FAM13C: variants seen among roughly 807,000 people sequenced by gnomAD.
FAM13C encodes protein FAM13C.
In FAM13C, 37 loss-of-function variants were observed where a neutral mutation model predicts 73.2. That is an observed-to-expected ratio of 0.51 (90% CI 0.39 to 0.67). The LOEUF (loss-of-function observed/expected upper bound fraction) is 0.67. FAM13C is among the 30% of genes least tolerant of loss of function. The pLI is 0.00. For missense variants in FAM13C, 589 were observed against 715.6 expected (o/e 0.82, Z 2.02); for synonymous variants, 246 against 260.9 (o/e 0.94, Z 0.55).
intron 1 of FAM13C, among the ~76,000 whole-genome samples, chr10:59,360,342 A>T (rs1856239799): frequency 6.6e-6 from 1 of 152,196 alleles, no homozygotes; most frequent in Non-Finnish European, 1.5e-5. Flanking sequence ...GGCATCGAAG[A>T]AAATAAGTGG....
chr10:59,334,394 T>A (rs892970774), intron 3 of FAM13C, among the ~76,000 whole-genome samples: 6 of 152,136 alleles, frequency 3.9e-5, no homozygotes, highest in Admixed American at 2.6e-4. Flanking sequence ...TTCAAATATG[T>A]CAAAACTTAC....
chr10:59,328,196 C>G (rs1851441300), intron 3 of FAM13C, among the ~76,000 whole-genome samples: 1 of 152,126 alleles, frequency 6.6e-6, no homozygotes, highest in African/African-American at 2.4e-5. Flanking sequence ...GTCCATGAAG[C>G]AAACATAATT....
chr10:59,270,990 T>C (rs1432334550), intron 6 of FAM13C, among the ~76,000 whole-genome samples: 2 of 152,098 alleles, frequency 1.3e-5, no homozygotes, highest in African/African-American at 4.8e-5. Context: ...CCATCTGCTA[T>C]GGAAGTAAGG....
intron 4 of FAM13C, among the ~76,000 whole-genome samples, chr10:59,314,352 G>A (rs1220171525): frequency 2.0e-5 from 3 of 152,120 alleles, no homozygotes; most frequent in Non-Finnish European, 2.9e-5. Context: ...TAATCCTTGC[G>A]ACAGTAGCTC....
At chr10:59,341,669 AC>A (rs1853540797) in intron 3 of FAM13C, among the ~76,000 whole-genome samples, 3 of 152,202 alleles carry the variant, frequency 2.0e-5, no homozygotes, top group Admixed American at 2.0e-4. Context: ...AGCCTCGGCA[AC>A]AAGAGCAAAA....
intron 3 of FAM13C, among the ~76,000 whole-genome samples, chr10:59,335,699 C>T (rs73299251): frequency 0.011 from 1,615 of 152,272 alleles, 38 homozygotes; most frequent in African/African-American, 0.036. Flanking sequence ...CTTTCTATGG[C>T]CTACATTGTG....
intron 10 of FAM13C, among the ~76,000 whole-genome samples, chr10:59,261,816 C>A (rs143651509): frequency 6.6e-6 from 1 of 152,056 alleles, no homozygotes; most frequent in Non-Finnish European, 1.5e-5. Context: ...CAGGTAAATA[C>A]TAATCAGTCT....
At position 59,253,005 on chromosome 10, in the gene FAM13C, A is replaced by C. The variant is rs1841548845; in HGVS notation, c.1333-7T>G. 1 of 1,612,824 alleles carries C rather than the reference A, an allele frequency of 6.2e-7. No individual in the cohort carries two copies. The highest frequency in any genetic ancestry group is 1.3e-5 in the African/African-American group (1 of 74,884). On this transcript the variant is annotated splice_region_variant and splice_polypyrimidine_tract_variant and intron_variant, in intron 11 of 13. Transcript: ENST00000618804. ...CAGAGTCCTCTTCCTCCTGCTTATC[A>C]CAGGCAGAGTTAAAGAAAGAAAGTC...
intron 5 of FAM13C, among the ~76,000 whole-genome samples, chr10:59,297,977 C>T (rs958718004): frequency 2.9e-4 from 44 of 152,138 alleles, no homozygotes; most frequent in Admixed American, 2.7e-3. Flanking sequence ...TTGAAATCCC[C>T]GCCATTGGAG....
At chr10:59,331,530 T>C (rs1287623513) in intron 3 of FAM13C, among the ~76,000 whole-genome samples, 1 of 152,018 alleles carries the variant, frequency 6.6e-6, no homozygotes, top group Non-Finnish European at 1.5e-5. Context: ...TCTTGAAGAG[T>C]TTGGGCTTTA....
chr10:59,312,012 G>A (rs1376890192), intron 4 of FAM13C, among the ~76,000 whole-genome samples: 1 of 151,764 alleles, frequency 6.6e-6, no homozygotes, highest in Non-Finnish European at 1.5e-5. Flanking sequence ...CTGTCTTTTG[G>A]AGCTTACAGT....
At chr10:59,320,954 G>A (rs1850155743) in intron 4 of FAM13C, among the ~76,000 whole-genome samples, 1 of 152,112 alleles carries the variant, frequency 6.6e-6, no homozygotes, top group South Asian at 2.1e-4. Flanking sequence ...CGAACTTGGA[G>A]GTAGAAAGAC....
intron 10 of FAM13C, among the ~76,000 whole-genome samples, chr10:59,256,456 T>A (rs944938259): frequency 3.3e-5 from 5 of 152,204 alleles, no homozygotes; most frequent in Non-Finnish European, 5.9e-5. Context: ...GAAAACTATC[T>A]TCCACAGATG....
chr10:59,329,342 G>GTTTTTTTTTTTTTTTTTTTTTTTTTTTT (rs71006247), intron 3 of FAM13C, among the ~76,000 whole-genome samples: 2 of 77,310 alleles, frequency 2.6e-5, no homozygotes, highest in African/African-American at 4.5e-5. Context: ...TTTCTTTCTG[G>GTTTTTTTTTTTTTTTTTTTTTTTTTTTT]TTTTTTTTTT....
intron 5 of FAM13C, among the ~76,000 whole-genome samples, chr10:59,288,034 C>T (rs575943620): frequency 6.6e-6 from 1 of 152,336 alleles, no homozygotes; most frequent in African/African-American, 2.4e-5. Flanking sequence ...TGCACAGAAT[C>T]TGGCATGGAG....
At chr10:59,350,066 T>A (rs1294159687) in intron 3 of FAM13C, among the ~76,000 whole-genome samples, 2 of 152,322 alleles carry the variant, frequency 1.3e-5, no homozygotes, top group Admixed American at 6.5e-5. Flanking sequence ...TCTTCTTTTA[T>A]CCCCAATATA....
At position 59,268,674 on chromosome 10, in the gene FAM13C, C is replaced by T. The variant is rs200555371; in HGVS notation, c.821G>A (p.Arg274His). 1.3e-5 allele frequency: 21 copies of T among 1,612,554 alleles called. No individual in the cohort carries two copies. The highest frequency in any genetic ancestry group is 1.6e-5 in the Non-Finnish European group (19 of 1,179,602). The change falls in exon 8 of 14, where the codon CGC becomes CAC. Residue 274 changes from arginine (R) to histidine (H), a missense_variant. Arg to His is a conservative substitution (Grantham distance 29). Coordinates refer to ENST00000618804, the MANE Select transcript of FAM13C (RefSeq NM_198215.4). ...QQFMMPRSSS[R>H]CSCGDGKEPQ... ...CTCCTTGCCATCTCCACAGCTGCAG[C>T]GTGAAGAACTCCGCGGCCTGCAGTG...
intron 4 of FAM13C, among the ~76,000 whole-genome samples, chr10:59,321,543 A>T (rs1442907424): frequency 6.8e-6 from 1 of 147,994 alleles, no homozygotes; most frequent in Admixed American, 7.1e-5. Flanking sequence ...GTTTGTGGTC[A>T]GTTATTACAG....
intron 3 of FAM13C, among the ~76,000 whole-genome samples, chr10:59,339,218 T>C (rs2134162623): frequency 6.6e-6 from 1 of 152,268 alleles, no homozygotes; most frequent in South Asian, 2.1e-4. Context: ...TGAATTCTTA[T>C]GTTAATTATA....
Sources: gnomAD v4.1 joint callset for allele counts (sites outside exome capture counted in the v4.1 genomes callset) on GRCh38, gnomAD v4.1.1 for gene constraint, MANE v1.5 for transcripts, NCBI Gene and HGNC (gene_info 2026-07-23, HGNC 2026-07-21) for gene names.